Variants in MTMR2 observed in about 807,000 individuals in gnomAD.
MTMR2 encodes myotubularin related protein 2.
A neutral mutation model predicts 86.9 loss-of-function variants in MTMR2; 55 were observed. The observed-to-expected ratio is 0.63, with a 90% confidence interval of 0.51 to 0.79. The LOEUF (loss-of-function observed/expected upper bound fraction) is 0.79. Among genes scored for constraint, MTMR2 ranks in the 30% least tolerant of loss-of-function variants. The probability of loss-of-function intolerance (pLI) is 0.00; values close to 1 mark genes in which losing one functional copy is unlikely to be tolerated. For synonymous variants in MTMR2, 241 were observed against 266.8 expected, an observed-to-expected ratio of 0.90 and a Z score of 0.94; for missense variants, 659 against 772.3, an observed-to-expected ratio of 0.85 and a Z score of 1.74.
At chr11:95,859,394 T>C (rs887671599) in intron 5 of MTMR2, among the ~76,000 whole-genome samples, 2 of 152,190 alleles carry the variant, frequency 1.3e-5, no homozygotes, top group Non-Finnish European at 2.9e-5. Context: ...TTAACAGCAC[T>C]TAGAAAAAAA....
At chr11:95,892,408 A>G (rs1172558078) in intron 1 of MTMR2, among the ~76,000 whole-genome samples, 1 of 152,162 alleles carries the variant, frequency 6.6e-6, no homozygotes, top group Non-Finnish European at 1.5e-5. Flanking sequence ...GACTTTGTCT[A>G]TAACTGCACT....
intron 12 of MTMR2, among the ~76,000 whole-genome samples, chr11:95,840,764 C>T (rs1355062989): frequency 6.6e-6 from 1 of 152,100 alleles, no homozygotes; most frequent in Admixed American, 6.6e-5. Context: ...TTTATTGAAG[C>T]TAAAAATATG....
In MTMR2 at chr11:95,838,190, T is replaced by C. The variant is rs1347190810; in HGVS notation, c.1497A>G (p.Glu499=). The change falls in exon 13 of 15, where the codon GAA becomes GAG. Residue 499 remains glutamate, a synonymous_variant. Coordinates refer to ENST00000346299, the MANE Select transcript of MTMR2 (RefSeq NM_016156.6). ...QMTRQFPTAF[E]FNEYFLITIL... ...TGGTAATGAGAAAATACTCATTGAA[T>C]TCAAATGCGGTAGGAAACTGCAAAT... 4 of 1,601,036 alleles carry C rather than the reference T, an allele frequency of 2.5e-6. No homozygotes were observed. In the South Asian group the frequency reaches 4.4e-5, roughly 18 times the overall value.
intron 6 of MTMR2, among the ~76,000 whole-genome samples, chr11:95,858,330 C>T (rs549499833): frequency 2.0e-5 from 3 of 152,092 alleles, no homozygotes; most frequent in Non-Finnish European, 4.4e-5. Flanking sequence ...TGGAATGGAC[C>T]TCAGAAATCA....
chr11:95,842,043 C>T (rs1944079), intron 11 of MTMR2, among the ~76,000 whole-genome samples: 19,191 of 152,160 alleles, frequency 0.13, 2,575 homozygotes, highest in African/African-American at 0.33. Flanking sequence ...CAGTGAACTA[C>T]GGTCGCATCA....
chr11:95,917,327 G>T (rs1352044134), intron 1 of MTMR2, among the ~76,000 whole-genome samples: 1 of 152,186 alleles, frequency 6.6e-6, no homozygotes, highest in Non-Finnish European at 1.5e-5. Flanking sequence ...TGGCTCTGAT[G>T]ATTTTGAATA....
intron 7 of MTMR2, among the ~76,000 whole-genome samples, chr11:95,855,797 A>G (rs966502236): frequency 1.3e-5 from 2 of 152,200 alleles, no homozygotes; most frequent in Non-Finnish European, 2.9e-5. Flanking sequence ...GGTATCTATC[A>G]CCAAGTAAAA....
intron 1 of MTMR2, among the ~76,000 whole-genome samples, chr11:95,915,457 T>A (rs543490451): frequency 6.6e-6 from 1 of 152,258 alleles, no homozygotes; most frequent in South Asian, 2.1e-4. Context: ...TCTATTCACA[T>A]CCAAATTATA....
intron 2 of MTMR2, among the ~76,000 whole-genome samples, chr11:95,882,947 C>T (rs1269199042): frequency 3.7e-5 from 5 of 136,302 alleles, no homozygotes; most frequent in African/African-American, 8.7e-5. Context: ...GGGGTTTCAC[C>T]GTGTTAGCCA....
intron 8 of MTMR2, 107 bp from the exon 9 acceptor site, chr11:95,849,969 G>T (rs1004625829): frequency 4.8e-6 from 5 of 1,049,468 alleles, no homozygotes; most frequent in Non-Finnish European, 7.2e-6. Flanking sequence ...CCAAAGCCTG[G>T]CCATGAAAGG....
chr11:95,874,355 T>C (rs1264795462), intron 2 of MTMR2, among the ~76,000 whole-genome samples: 3 of 152,188 alleles, frequency 2.0e-5, no homozygotes, highest in Non-Finnish European at 4.4e-5. Flanking sequence ...TGTAATGGCC[T>C]CTTTGTGTCT....
In MTMR2 at chr11:95,845,162, G is replaced by A; in HGVS notation, c.1180-3C>T. The stretch of plus-strand genomic sequence containing the variant: ...CTAAGAGCCCCTGCAAGAATAAGCT[G>A]GAAAACAGATTTTTTAATACATTGT... On this transcript the variant is annotated splice_polypyrimidine_tract_variant and splice_region_variant and intron_variant, in intron 10 of 14. Coordinates refer to ENST00000346299, the MANE Select transcript of MTMR2 (RefSeq NM_016156.6). The A allele has an allele frequency of 6.3e-7, 1 of 1,593,774 alleles. No homozygotes were observed. The highest frequency in any genetic ancestry group is 8.6e-7 in the Non-Finnish European group (1 of 1,164,654).
intron 1 of MTMR2, among the ~76,000 whole-genome samples, chr11:95,898,256 G>C (rs1444875988): frequency 1.5e-5 from 2 of 135,214 alleles, no homozygotes; most frequent in African/African-American, 6.4e-5. Context: ...TGGCCTGGTT[G>C]GTTTTTAAAA....
At chr11:95,845,261 A>C in intron 10 of MTMR2, 102 bp from the exon 11 acceptor site, 1 of 1,000,848 alleles carries the variant, frequency 1.0e-6, no homozygotes, top group Non-Finnish European at 1.5e-6. Context: ...TTTCAATAAC[A>C]TGAGGAAAAA....
intron 1 of MTMR2, among the ~76,000 whole-genome samples, chr11:95,911,334 C>T (rs1289552750): frequency 6.6e-6 from 1 of 152,132 alleles, no homozygotes; most frequent in African/African-American, 2.4e-5. Context: ...AGAGTCTGAA[C>T]AACCAGTTTG....
chr11:95,862,136 G>T, intron 4 of MTMR2, 34 bp from the exon 5 acceptor site: 2 of 1,547,712 alleles, frequency 1.3e-6, no homozygotes, highest in Non-Finnish European at 1.8e-6. Flanking sequence ...TTAAAACTGA[G>T]CAATTAATAC....
chr11:95,838,227 A>G lies in MTMR2; in HGVS notation c.1480-20T>C, dbSNP rs371041744. The stretch of plus-strand genomic sequence containing the variant: ...AGGAAACTGCAAATCAAACATCACA[A>G]ACACATAAATTAAGACATTCTTCAA... On this transcript the variant is annotated intron_variant, in intron 12 of 14. Transcript: ENST00000346299. 7 of 1,297,862 alleles carry G rather than the reference A, an allele frequency of 5.4e-6. No homozygotes were observed. The highest frequency in any genetic ancestry group is 1.5e-5 in the African/African-American group (1 of 68,536). 80.4% of individuals were successfully genotyped at this position (1,297,862 alleles called of 1,614,324 possible).
intron 1 of MTMR2, among the ~76,000 whole-genome samples, chr11:95,899,977 G>A: frequency 6.6e-6 from 1 of 152,122 alleles, no homozygotes; most frequent in East Asian, 1.9e-4. Context: ...TATGTGCAGA[G>A]ACATTCTGCT....
At chr11:95,887,933 G>T (rs1865570459) in intron 2 of MTMR2, among the ~76,000 whole-genome samples, 1 of 152,042 alleles carries the variant, frequency 6.6e-6, no homozygotes, top group African/African-American at 2.4e-5. Context: ...TCATCTTTTG[G>T]CAAAGAACTT....
Sources: allele counts gnomAD v4.1 joint callset (sites outside exome capture counted in the v4.1 genomes callset), GRCh38; gene constraint gnomAD v4.1.1; transcripts MANE v1.5; gene names NCBI Gene and HGNC (gene_info 2026-07-23, HGNC 2026-07-21).